The following TCF7L1 variants were observed in gnomAD, a reference collection of about 807,000 sequenced individuals.
TCF7L1 encodes the protein transcription factor 7-like 1.
TCF7L1 carries 18 observed loss-of-function variants against 63.7 expected under a neutral mutation model. The observed-to-expected ratio is 0.28, with a 90% CI of 0.20 to 0.42. The LOEUF (loss-of-function observed/expected upper bound fraction) is 0.42. Among genes scored for constraint, TCF7L1 ranks in the 10% least tolerant of loss-of-function variants. The pLI is 1.00. For synonymous variants in TCF7L1, 355 were observed against 340.9 expected, an observed-to-expected ratio of 1.04 and a Z score of -0.46; for missense variants, 654 against 779.3, an observed-to-expected ratio of 0.84 and a Z score of 1.91.
At chr2:85,302,745 A>C in intron 5 of TCF7L1, 129 bp downstream of exon 5, 3 of 1,231,884 alleles carry the variant, frequency 2.4e-6, no homozygotes, top group Non-Finnish European at 3.4e-6. Flanking sequence ...GAGTCTTTGG[A>C]CCTTGTCTGC....
chr2:85,282,640 A>ACAGC (rs1681444387), intron 3 of TCF7L1, among the ~76,000 whole-genome samples: 1 of 152,186 alleles, frequency 6.6e-6, no homozygotes, highest in South Asian at 2.1e-4. Context: ...TCAGGGTCAC[A>ACAGC]CAGCCTATGT....
intron 4 of TCF7L1, among the ~76,000 whole-genome samples, chr2:85,290,854 C>T (rs1681695810): frequency 6.6e-6 from 1 of 152,214 alleles, no homozygotes; most frequent in Non-Finnish European, 1.5e-5. Context: ...CAAGAATAAT[C>T]CTCTTTGGCA....
rs150667462 is a variant in TCF7L1, at chr2:85,140,767, A to G, written c.441+6317A>G. 3.7e-3 allele frequency among the ~76,000 whole-genome samples: 561 copies of G among 152,230 alleles called. 1 individual carries two copies. Among genetic ancestry groups the G allele is most frequent in the African/African-American group, 0.013 (521 of 41,534 alleles). On this transcript the variant is annotated intron_variant, in intron 3 of 11. Transcript: ENST00000282111. ...TCCCAGCTACTTGGGAGGCTGAGGC[A>G]GGAGAATTGCTTTAACCTGGGAGGC...
intron 3 of TCF7L1, among the ~76,000 whole-genome samples, chr2:85,261,294 C>T (rs559335875): frequency 9.8e-5 from 15 of 152,286 alleles, no homozygotes; most frequent in Non-Finnish European, 1.3e-4. Context: ...TACACAAGGG[C>T]ATGGTTTCTA....
chr2:85,188,537 A>G (rs1370927399), intron 3 of TCF7L1, among the ~76,000 whole-genome samples: 2 of 152,216 alleles, frequency 1.3e-5, no homozygotes, highest in African/African-American at 4.8e-5. Flanking sequence ...ATGGACATAC[A>G]GTTGCCTCTG....
intron 3 of TCF7L1, among the ~76,000 whole-genome samples, chr2:85,244,046 GA>G (rs1680404237): frequency 6.6e-6 from 1 of 152,218 alleles, no homozygotes; most frequent in South Asian, 2.1e-4. Context: ...ACAGGGAGGT[GA>G]CAAACTCTAT....
chr2:85,197,325 C>T (rs1188963554), intron 3 of TCF7L1, among the ~76,000 whole-genome samples: 5 of 152,166 alleles, frequency 3.3e-5, no homozygotes, highest in Non-Finnish European at 4.4e-5. Flanking sequence ...GCAGGAGAAT[C>T]GCTTGAACCC....
At chr2:85,146,787 A>G (rs571780917) in intron 3 of TCF7L1, among the ~76,000 whole-genome samples, 1 of 152,156 alleles carries the variant, frequency 6.6e-6, no homozygotes, top group African/African-American at 2.4e-5. Context: ...CATAGGTGTG[A>G]GCCACTGTGC....
chr2:85,135,588 T>C (rs938434456), intron 3 of TCF7L1, among the ~76,000 whole-genome samples: 3 of 151,920 alleles, frequency 2.0e-5, no homozygotes, highest in Non-Finnish European at 2.9e-5. Flanking sequence ...AAAGGCTAGG[T>C]GCTGAATGGC....
intron 4 of TCF7L1, 85 bp downstream of exon 4, chr2:85,283,663 C>A: frequency 7.2e-7 from 1 of 1,387,426 alleles, no homozygotes; most frequent in Non-Finnish European, 1.0e-6. Context: ...CACGCTGAAG[C>A]AGATGGGGTC....
At position 85,306,156 on chromosome 2, in the gene TCF7L1, T is replaced by G. The variant is rs760763727; in HGVS notation, c.990-50T>G. The G allele has an allele frequency of 3.9e-5, 63 of 1,607,846 alleles. No homozygotes were observed. Among genetic ancestry groups the G allele is most frequent in the Non-Finnish European group, 4.8e-5 (56 of 1,175,398 alleles). Reference sequence around the variant, plus strand: ...TGTTTCAGTGACAGGTGGGGATTGATGAGTTGTGTGACACCTGACATGCTA... The same window carrying G: ...TGTTTCAGTGACAGGTGGGGATTGAGGAGTTGTGTGACACCTGACATGCTA... On this transcript the variant is annotated intron_variant, in intron 8 of 11. Coordinates refer to ENST00000282111, the MANE Select transcript of TCF7L1 (RefSeq NM_031283.3). The surrounding 1 kb of genome is among the most constrained non-coding windows in gnomAD (Gnocchi z 4.3).
At chr2:85,257,829 C>G (rs1680755386) in intron 3 of TCF7L1, among the ~76,000 whole-genome samples, 1 of 152,210 alleles carries the variant, frequency 6.6e-6, no homozygotes, top group South Asian at 2.1e-4. Context: ...CCTGCCCCCT[C>G]CCGCCACGTA....
At chr2:85,194,461 A>G (rs1446803527) in intron 3 of TCF7L1, among the ~76,000 whole-genome samples, 1 of 152,186 alleles carries the variant, frequency 6.6e-6, no homozygotes, top group African/African-American at 2.4e-5. Context: ...TAATGAGCCA[A>G]GAGAAGAGGA....
chr2:85,136,105 TAG>T (rs1380623812), intron 3 of TCF7L1, among the ~76,000 whole-genome samples: 9 of 152,100 alleles, frequency 5.9e-5, no homozygotes, highest in Non-Finnish European at 1.2e-4. Flanking sequence ...TTAGGATATC[TAG>T]AGAGAGGGGT....
chr2:85,298,587 A>G (rs73943084), intron 4 of TCF7L1, among the ~76,000 whole-genome samples: 10,496 of 152,102 alleles, frequency 0.069, 469 homozygotes, highest in African/African-American at 0.12. Flanking sequence ...ACAGACTGAA[A>G]TAGACGGGAA....
At chr2:85,275,889 C>T (rs1681258901) in intron 3 of TCF7L1, among the ~76,000 whole-genome samples, 2 of 141,868 alleles carry the variant, frequency 1.4e-5, no homozygotes, top group East Asian at 4.1e-4. Flanking sequence ...CACTGCACTC[C>T]AGCCTGGACG....
At chr2:85,300,009 G>T (rs1307624544) in intron 4 of TCF7L1, among the ~76,000 whole-genome samples, 1 of 152,024 alleles carries the variant, frequency 6.6e-6, no homozygotes, top group Non-Finnish European at 1.5e-5. Context: ...ATACAATTAT[G>T]ATATAGTTTG....
At chr2:85,247,228 A>G (rs1013596760) in intron 3 of TCF7L1, among the ~76,000 whole-genome samples, 3 of 152,226 alleles carry the variant, frequency 2.0e-5, no homozygotes, top group Non-Finnish European at 4.4e-5. Context: ...TTTTATTGTT[A>G]TTAATATCAC....
At chr2:85,218,533 GGCGTGAGCTACCACGCCCA>G (rs1357411453) in intron 3 of TCF7L1, among the ~76,000 whole-genome samples, 3 of 152,088 alleles carry the variant, frequency 2.0e-5, no homozygotes, top group Non-Finnish European at 4.4e-5. Context: ...TGGGATTACA[GGCGTGAGCTACCACGCCCA>G]GCGTTATCTG....
Sources: gnomAD v4.1 joint callset for allele counts (sites outside exome capture counted in the v4.1 genomes callset) on GRCh38, gnomAD v4.1.1 for gene constraint, Gnocchi (gnomAD v3.1) non-coding constraint, MANE v1.5 for transcripts, NCBI Gene and HGNC (gene_info 2026-07-23, HGNC 2026-07-21) for gene names.